The following CHCHD3 variants were observed in gnomAD, a reference collection of about 807,000 sequenced individuals.
The protein encoded by CHCHD3 is coiled-coil-helix-coiled-coil-helix domain containing 3.
Under a neutral mutation model 38.2 loss-of-function variants are expected in CHCHD3, and 20 were observed. The ratio of observed to expected loss-of-function variants is 0.52; its 90% CI spans 0.37 to 0.76. CHCHD3 has a LOEUF of 0.76. Ranked by LOEUF, CHCHD3 falls within the 30% of genes least tolerant of loss-of-function variation. The pLI is 0.00. For synonymous variants in CHCHD3, 82 were observed against 100.0 expected, an observed-to-expected ratio of 0.82 and a Z score of 1.07; for missense variants, 245 against 279.2, an observed-to-expected ratio of 0.88 and a Z score of 0.87.
At chr7:133,026,941 CTT>C (rs762656963) in intron 2 of CHCHD3, among the ~76,000 whole-genome samples, 10 of 142,894 alleles carry the variant, frequency 7.0e-5, no homozygotes, top group Non-Finnish European at 6.2e-5. Flanking sequence ...TGAAAATATT[CTT>C]TTTTTTTTTT....
chr7:132,955,427 G>A (rs542446970), intron 4 of CHCHD3, among the ~76,000 whole-genome samples: 266 of 152,084 alleles, frequency 1.7e-3, no homozygotes, highest in African/African-American at 5.6e-3. Context: ...AGAAAGTGGA[G>A]GCAATTGCTT....
chr7:132,821,721 C>T (rs186821150), intron 6 of CHCHD3, among the ~76,000 whole-genome samples: 2 of 147,302 alleles, frequency 1.4e-5, no homozygotes, highest in Admixed American at 6.8e-5. Context: ...TTCTGAAGAA[C>T]GTGGCCAAAA....
intron 6 of CHCHD3, chr7:132,815,734 C>G: frequency 3.0e-6 from 1 of 332,434 alleles, no homozygotes; most frequent in South Asian, 2.4e-5. Context: ...CTCTCTTCCT[C>G]CTTTCTCTCC....
intron 3 of CHCHD3, among the ~76,000 whole-genome samples, chr7:132,992,571 T>G (rs1307733219): frequency 6.6e-6 from 1 of 152,206 alleles, no homozygotes; most frequent in Non-Finnish European, 1.5e-5. Flanking sequence ...GCTAGTCCAA[T>G]CCAAGACTTG....
At chr7:132,960,678 T>C (rs999549008) in intron 4 of CHCHD3, among the ~76,000 whole-genome samples, 3 of 152,052 alleles carry the variant, frequency 2.0e-5, no homozygotes, top group African/African-American at 7.2e-5. Flanking sequence ...AATGGTCACA[T>C]TAAAAATTAA....
At chr7:132,864,811 A>G (rs1808577857) in intron 5 of CHCHD3, among the ~76,000 whole-genome samples, 1 of 152,218 alleles carries the variant, frequency 6.6e-6, no homozygotes, top group Non-Finnish European at 1.5e-5. Flanking sequence ...CTGGATTTCC[A>G]ACTAAAACAG....
At chr7:132,832,259 T>G (rs747655562) in intron 6 of CHCHD3, among the ~76,000 whole-genome samples, 2 of 152,172 alleles carry the variant, frequency 1.3e-5, no homozygotes, top group South Asian at 2.1e-4. Flanking sequence ...AACCTAAGCT[T>G]CTTCTATGAG....
rs373443266 is a variant in CHCHD3 at position 132,796,442 on chromosome 7, C to T, written c.660G>A (p.Gln220=). ...QYMHCVNHAK[Q]SMLEKGG is the part of the protein sequence containing the mutation. ...CCAGTGGCCTGGCTGGCACACCTAC[C>T]TGTTTGGCATGATTGACACAGTGCA... The change falls in exon 7 of 8, where the codon CAG becomes CAA. Residue 220 remains glutamine (Q), a splice_region_variant and synonymous_variant. Coordinates refer to ENST00000262570, the MANE Select transcript of CHCHD3 (RefSeq NM_017812.4). The T allele has an allele frequency of 1.9e-6, 3 of 1,613,574 alleles. No homozygotes were observed. The African/African-American group carries it at 4.0e-5, about 22-fold the overall frequency.
rs1484387878 is a variant in CHCHD3 at position 133,035,019 on chromosome 7, T to A, written c.170-10392A>T. The stretch of plus-strand genomic sequence containing the variant: ...ATATGGCAGTGCCACAGAGAGTGTG[T>A]CCTCATTGGAGTACTTGCGCTTAAA... On this transcript the variant is annotated intron_variant, in intron 2 of 7. Transcript: ENST00000262570. This position sits in a 1 kb window ranked among gnomAD's most constrained non-coding sequence, Gnocchi z 4.7. 6.2e-7 allele frequency: 1 copy of A among 1,612,602 alleles called. No homozygotes were observed. The highest frequency in any genetic ancestry group is 1.1e-5 in the South Asian group (1 of 90,818).
chr7:133,080,719 C>A (rs565772399), intron 1 of CHCHD3, among the ~76,000 whole-genome samples: 133 of 152,126 alleles, frequency 8.7e-4, no homozygotes, highest in Non-Finnish European at 1.5e-3. Flanking sequence ...TGGTCACAGA[C>A]CAAAAACTGA....
chr7:132,834,947 C>T (rs545574676), intron 6 of CHCHD3, among the ~76,000 whole-genome samples: 41 of 147,388 alleles, frequency 2.8e-4, no homozygotes, highest in East Asian at 1.6e-3. Context: ...TTTTTCCTCT[C>T]ATTTATTTAT....
At chr7:132,907,322 T>C (rs1809824082) in intron 4 of CHCHD3, among the ~76,000 whole-genome samples, 1 of 152,162 alleles carries the variant, frequency 6.6e-6, no homozygotes, top group African/African-American at 2.4e-5. Flanking sequence ...TTCAGGAACT[T>C]ATAAATTGGG....
intron 4 of CHCHD3, among the ~76,000 whole-genome samples, chr7:132,971,221 G>A (rs79746558): frequency 0.019 from 2,862 of 152,244 alleles, 106 homozygotes; most frequent in African/African-American, 0.065. Flanking sequence ...CTTCTACAGA[G>A]GTGCTTTCCT....
chr7:132,959,424 T>C lies in CHCHD3; in HGVS notation c.369+15745A>G, dbSNP rs1811256430. On this transcript the variant is annotated intron_variant, in intron 4 of 7. Coordinates refer to ENST00000262570, the MANE Select transcript of CHCHD3 (RefSeq NM_017812.4). Reference sequence around the variant, plus strand: ...GTTTCTCAAGGATAGCAGACATTAATAGAAATGCATGGATGGGGCTGGGCA... The same window carrying C: ...GTTTCTCAAGGATAGCAGACATTAACAGAAATGCATGGATGGGGCTGGGCA... 3.9e-5 allele frequency among the ~76,000 whole-genome samples: 6 copies of C among 152,208 alleles called. No individual in the cohort carries two copies. The South Asian group carries it at 1.2e-3, about 32-fold the overall frequency.
intron 4 of CHCHD3, among the ~76,000 whole-genome samples, chr7:132,923,163 A>C (rs1171043152): frequency 6.6e-6 from 1 of 152,226 alleles, no homozygotes; most frequent in African/African-American, 2.4e-5. Flanking sequence ...AACTTGACTG[A>C]AAATTCAAAC....
chr7:132,885,105 AGCCAGGCAT>A (rs761085570), intron 5 of CHCHD3, among the ~76,000 whole-genome samples: 56 of 152,240 alleles, frequency 3.7e-4, no homozygotes, highest in South Asian at 1.5e-3. Flanking sequence ...TACAAAAATC[AGCCAGGCAT>A]GGTGGTGCAT....
In CHCHD3 at chr7:132,796,424, C is replaced by T; in HGVS notation, c.660+18G>A. 1 of 1,613,124 alleles carries T rather than the reference C, an allele frequency of 6.2e-7. No homozygotes were observed. Among genetic ancestry groups the T allele is most frequent in the African/African-American group, 1.3e-5 (1 of 75,002 alleles). On this transcript the variant is annotated intron_variant, in intron 7 of 7. Transcript: ENST00000262570. ...TCAATTTGCCCAGTGCCCCCAGTGGCCTGGCTGGCACACCTACCTGTTTGG... is the reference window on the plus strand; with the variant it reads ...TCAATTTGCCCAGTGCCCCCAGTGGTCTGGCTGGCACACCTACCTGTTTGG...
At chr7:133,010,286 G>A (rs1326878370) in intron 3 of CHCHD3, among the ~76,000 whole-genome samples, 1 of 152,116 alleles carries the variant, frequency 6.6e-6, no homozygotes, top group African/African-American at 2.4e-5. Context: ...AGGGGAATAT[G>A]AGGAGCATCA....
At chr7:132,922,965 C>T (rs1444083024) in intron 4 of CHCHD3, among the ~76,000 whole-genome samples, 3 of 152,160 alleles carry the variant, frequency 2.0e-5, no homozygotes, top group Non-Finnish European at 2.9e-5. Context: ...GTACAATCAT[C>T]ATGTGAAAAA....
Sources: allele counts gnomAD v4.1 joint callset (sites outside exome capture counted in the v4.1 genomes callset), GRCh38; gene constraint gnomAD v4.1.1; non-coding constraint Gnocchi (gnomAD v3.1); transcripts MANE v1.5; gene names NCBI Gene and HGNC (gene_info 2026-07-23, HGNC 2026-07-21).